DCLK1: variants seen among roughly 807,000 people sequenced by gnomAD.
DCLK1 encodes serine/threonine-protein kinase DCLK1.
DCLK1 carries 16 observed loss-of-function variants against 86.2 expected under a neutral mutation model. The ratio of observed to expected loss-of-function variants is 0.19; its 90% CI spans 0.13 to 0.28. The LOEUF is 0.28. Among genes scored for constraint, DCLK1 ranks in the 10% least tolerant of loss-of-function variants. DCLK1 has a pLI of 1.00. For synonymous variants in DCLK1, 369 were observed against 370.5 expected (o/e 1.00, Z 0.05); for missense variants, 590 against 940.2 (o/e 0.63, Z 4.87).
At chr13:35,803,662 T>C (rs1269917029) in intron 15 of DCLK1, among the ~76,000 whole-genome samples, 2 of 152,214 alleles carry the variant, frequency 1.3e-5, no homozygotes, top group Non-Finnish European at 2.9e-5. Context: ...TGTAGTCACC[T>C]GACACATTGA....
At chr13:35,804,580 G>C in intron 15 of DCLK1, among the ~76,000 whole-genome samples, 1 of 151,632 alleles carries the variant, frequency 6.6e-6, no homozygotes, top group East Asian at 1.9e-4. Flanking sequence ...TTACAGGTGC[G>C]CACCACCACA....
At chr13:36,013,918 T>A (rs923615893) in intron 3 of DCLK1, among the ~76,000 whole-genome samples, 19 of 152,326 alleles carry the variant, frequency 1.2e-4, no homozygotes, top group South Asian at 4.1e-4. Context: ...AGGTGTGGGA[T>A]ATAATCTCGT....
Position 35,966,702 on chromosome 13 carries a change from C to T in DCLK1, c.724-19245G>A, listed in dbSNP as rs571878676. Among the ~76,000 whole-genome samples, 106 of 152,212 alleles carry T rather than the reference C, an allele frequency of 7.0e-4. 1 individual carries two copies. In the South Asian group the frequency reaches 0.021, roughly 30 times the overall value. ...GTATTTTTTGGTGGAGACGGGGTTTCGCCATGTTGGCCGGGCTGGTCTCCA... is the reference window on the plus strand; with the variant it reads ...GTATTTTTTGGTGGAGACGGGGTTTTGCCATGTTGGCCGGGCTGGTCTCCA... On this transcript the variant is annotated intron_variant, in intron 3 of 16. Transcript: ENST00000360631.
chr13:36,107,126 TG>T (rs1885423843), intron 3 of DCLK1, among the ~76,000 whole-genome samples: 1 of 152,122 alleles, frequency 6.6e-6, no homozygotes, highest in East Asian at 1.9e-4. Context: ...TGAGGATTCA[TG>T]ATCAAAAGAT....
At chr13:36,100,334 A>G (rs982451445) in intron 3 of DCLK1, among the ~76,000 whole-genome samples, 2 of 152,034 alleles carry the variant, frequency 1.3e-5, no homozygotes, top group Non-Finnish European at 2.9e-5. Context: ...AGCCAAGGTC[A>G]CACCACTGTA....
intron 3 of DCLK1, among the ~76,000 whole-genome samples, chr13:36,078,072 G>A (rs948199507): frequency 6.6e-6 from 1 of 152,116 alleles, no homozygotes; most frequent in East Asian, 1.9e-4. Flanking sequence ...GAGTGATTAG[G>A]TTTAGATAAA....
chr13:35,900,690 T>C (rs1874300248), intron 4 of DCLK1, among the ~76,000 whole-genome samples: 1 of 152,168 alleles, frequency 6.6e-6, no homozygotes, highest in Non-Finnish European at 1.5e-5. Context: ...TTGAAGGATG[T>C]TTTTCCCCGG....
intron 3 of DCLK1, among the ~76,000 whole-genome samples, chr13:36,072,652 C>G (rs894340786): frequency 1.3e-5 from 2 of 152,146 alleles, no homozygotes; most frequent in Non-Finnish European, 2.9e-5. Context: ...TAGAAAATCA[C>G]TAACACATAT....
At chr13:36,093,806 C>T (rs918370126) in intron 3 of DCLK1, among the ~76,000 whole-genome samples, 2 of 151,990 alleles carry the variant, frequency 1.3e-5, no homozygotes, top group Non-Finnish European at 2.9e-5. Flanking sequence ...ATTAATAGAG[C>T]TTAGATAGTA....
chr13:35,936,534 C>T (rs1876757824), intron 4 of DCLK1, among the ~76,000 whole-genome samples: 1 of 152,232 alleles, frequency 6.6e-6, no homozygotes, highest in Non-Finnish European at 1.5e-5. Context: ...TGAATTCCAT[C>T]ATTCCAAAAG....
At chr13:36,104,352 C>T (rs1164066988) in intron 3 of DCLK1, among the ~76,000 whole-genome samples, 1 of 152,208 alleles carries the variant, frequency 6.6e-6, no homozygotes, top group Non-Finnish European at 1.5e-5. Flanking sequence ...CAATAGAACA[C>T]CTTTCTTAGC....
At chr13:36,128,094 T>G (rs1453069021) in intron 1 of DCLK1, among the ~76,000 whole-genome samples, 1 of 152,140 alleles carries the variant, frequency 6.6e-6, no homozygotes, top group Non-Finnish European at 1.5e-5. Context: ...TGGCCCTCAG[T>G]AAACTGACCT....
rs1355272747 is a variant in DCLK1 at position 35,805,439 on chromosome 13, G to A, written c.1944+260C>T. ...AGCCTCCTGAGTAGCTGGGACCACAGGCTTGTGCCACTATGCCCAGCTAAT... is the reference window on the plus strand; with the variant it reads ...AGCCTCCTGAGTAGCTGGGACCACAAGCTTGTGCCACTATGCCCAGCTAAT... On this transcript the variant is annotated intron_variant, in intron 15 of 16. Transcript: ENST00000360631. 1.6e-5 allele frequency: 6 copies of A among 383,118 alleles called. No homozygotes were observed. In the East Asian group the frequency reaches 2.7e-4, roughly 17 times the overall value. 23.7% of individuals were successfully genotyped at this position (383,118 alleles called of 1,614,324 possible).
intron 2 of DCLK1, among the ~76,000 whole-genome samples, chr13:36,122,170 T>C (rs1048114395): frequency 6.6e-6 from 1 of 152,092 alleles, no homozygotes; most frequent in African/African-American, 2.4e-5. Context: ...GAGGCTGTGG[T>C]AGGAAAGAGA....
intron 3 of DCLK1, among the ~76,000 whole-genome samples, chr13:36,074,722 T>C (rs974605830): frequency 1.3e-5 from 2 of 152,144 alleles, no homozygotes; most frequent in African/African-American, 2.4e-5. Context: ...GCCATAGTAA[T>C]CCTTCAGGCT....
intron 3 of DCLK1, among the ~76,000 whole-genome samples, chr13:36,083,104 G>T (rs772826616): frequency 6.6e-6 from 1 of 151,962 alleles, no homozygotes; most frequent in African/African-American, 2.4e-5. Flanking sequence ...TATTTAAAAA[G>T]TCCTTAGGGA....
intron 16 of DCLK1, among the ~76,000 whole-genome samples, chr13:35,783,077 ACT>A (rs1276813149): frequency 6.6e-6 from 1 of 152,282 alleles, no homozygotes; most frequent in African/African-American, 2.4e-5. Context: ...CACATTTTAA[ACT>A]TATACTTCAT....
At position 36,053,727 on chromosome 13, in the gene DCLK1, T is replaced by G. The variant is rs139334494; in HGVS notation, c.723+58142A>C. On this transcript the variant is annotated intron_variant, in intron 3 of 16. Coordinates refer to ENST00000360631, the MANE Select transcript of DCLK1 (RefSeq NM_001330071.2). Reference sequence around the variant, plus strand: ...CAGTGCTGCCGGGTGGGGGGCAGGTTTCTATTTCAGATAAGAGGAACACCT... The same window carrying G: ...CAGTGCTGCCGGGTGGGGGGCAGGTGTCTATTTCAGATAAGAGGAACACCT... Among the ~76,000 whole-genome samples, 34 of 152,090 alleles carry G rather than the reference T, an allele frequency of 2.2e-4. No individual in the cohort carries two copies. The East Asian group carries it at 4.8e-3, about 22-fold the overall frequency.
intron 4 of DCLK1, among the ~76,000 whole-genome samples, chr13:35,876,383 G>A (rs1398660098): frequency 1.3e-5 from 2 of 152,084 alleles, no homozygotes; most frequent in Admixed American, 6.5e-5. Context: ...TAGTAACTAC[G>A]TTTTCTAAAA....
Sources: allele counts gnomAD v4.1 joint callset (sites outside exome capture counted in the v4.1 genomes callset), GRCh38; gene constraint gnomAD v4.1.1; transcripts MANE v1.5; gene names NCBI Gene and HGNC (gene_info 2026-07-23, HGNC 2026-07-21).